Variants in SLC38A9 observed in about 807,000 individuals in gnomAD.
SLC38A9 encodes the protein solute carrier family 38 member 9, also known as neutral amino acid transporter 9.
A neutral mutation model predicts 62.3 loss-of-function variants in SLC38A9; 48 were observed. The ratio of observed to expected loss-of-function variants is 0.77; its 90% CI spans 0.61 to 0.98. SLC38A9 has a LOEUF of 0.98. SLC38A9 is among the 50% of genes least tolerant of loss of function. The probability of loss-of-function intolerance (pLI) is 0.00; values close to 1 mark genes in which losing one functional copy is unlikely to be tolerated. For missense variants in SLC38A9, 541 were observed against 679.8 expected, an observed-to-expected ratio of 0.80 and a Z score of 2.27; for synonymous variants, 204 against 227.7, an observed-to-expected ratio of 0.90 and a Z score of 0.94.
At chr5:55,650,632 G>A (rs183424042) in intron 10 of SLC38A9, among the ~76,000 whole-genome samples, 30 of 152,322 alleles carry the variant, frequency 2.0e-4, no homozygotes, top group Admixed American at 1.4e-3. Flanking sequence ...GGACGCCAGA[G>A]CTTATATAAC....
At chr5:55,706,197 G>A (rs1382157087) in intron 2 of SLC38A9, among the ~76,000 whole-genome samples, 1 of 152,108 alleles carries the variant, frequency 6.6e-6, no homozygotes, top group Non-Finnish European at 1.5e-5. Flanking sequence ...CCCTTCCAGT[G>A]GCAGTGAAAC....
intron 3 of SLC38A9, among the ~76,000 whole-genome samples, chr5:55,674,937 T>C (rs1285516360): frequency 6.6e-6 from 1 of 152,188 alleles, no homozygotes; most frequent in African/African-American, 2.4e-5. Context: ...TAATTATACC[T>C]GGGGTCACAC....
rs1293425238 is a variant in SLC38A9 at position 55,635,555 on chromosome 5, A to G, written c.1270T>C (p.Cys424Arg). ...SFPSPPLSKD[C>R]IEQNFLDNFP... is the part of the protein sequence containing the mutation. ...ACACGGTGCCTTACCTGCTCAATAC[A>G]ATCTTTGGATAATGGTGGTGAAGGA... Residue 424 changes from cysteine (C) to arginine (R), a missense_variant, in exon 13 of 16, where the codon TGT becomes CGT. Physicochemically the swap from Cys to Arg is radical, Grantham distance 180. Coordinates refer to ENST00000396865, the MANE Select transcript of SLC38A9 (RefSeq NM_173514.4). The G allele has an allele frequency of 6.2e-7, 1 of 1,611,942 alleles. No individual in the cohort carries two copies. Among genetic ancestry groups the G allele is most frequent in the South Asian group, 1.1e-5 (1 of 91,032 alleles).
intron 3 of SLC38A9, among the ~76,000 whole-genome samples, chr5:55,681,664 C>T (rs1410286265): frequency 1.3e-5 from 2 of 152,122 alleles, no homozygotes; most frequent in African/African-American, 4.8e-5. Flanking sequence ...GGTGAACGAG[C>T]CTGACCTTTT....
chr5:55,684,452 T>G lies in SLC38A9; in HGVS notation c.114-11757A>C, dbSNP rs191559769. 4.5e-4 allele frequency among the ~76,000 whole-genome samples: 69 copies of G among 152,326 alleles called. No homozygotes were observed. In the East Asian group the frequency reaches 7.5e-3, roughly 17 times the overall value. ...ATCACCTTAATCCAGTTTGGGGGAT[T>G]GAGATGAGTTAAAGTTGGGCTTCAG... On this transcript the variant is annotated intron_variant, in intron 3 of 15. Transcript: ENST00000396865.
intron 14 of SLC38A9, among the ~76,000 whole-genome samples, chr5:55,629,463 C>G (rs4865963): frequency 0.55 from 83,056 of 152,026 alleles, 24,069 homozygotes; most frequent in South Asian, 0.66. Context: ...TTTGCTAAAT[C>G]TCATGTTTGA....
chr5:55,638,607 T>C (rs1181204972), intron 12 of SLC38A9, among the ~76,000 whole-genome samples: 2 of 152,174 alleles, frequency 1.3e-5, no homozygotes, highest in Non-Finnish European at 2.9e-5. Flanking sequence ...TCAGACATGG[T>C]TTATTATTTG....
chr5:55,650,887 G>C (rs1468021218), intron 10 of SLC38A9, among the ~76,000 whole-genome samples: 1 of 152,168 alleles, frequency 6.6e-6, no homozygotes, highest in African/African-American at 2.4e-5. Context: ...CGCCTCCTGG[G>C]TTTAAGCAGT....
chr5:55,658,633 C>A (rs982907082), intron 8 of SLC38A9, among the ~76,000 whole-genome samples: 1 of 152,146 alleles, frequency 6.6e-6, no homozygotes, highest in African/African-American at 2.4e-5. Context: ...TAGGAGGGAC[C>A]AGGGCCCTGT....
At chr5:55,653,148 G>T (rs529500650) in intron 9 of SLC38A9, among the ~76,000 whole-genome samples, 2 of 152,164 alleles carry the variant, frequency 1.3e-5, no homozygotes, top group South Asian at 4.1e-4. Flanking sequence ...TGTATTTTTA[G>T]TAGAGAGGGC....
At chr5:55,666,216 A>G (rs1413314170) in intron 7 of SLC38A9, among the ~76,000 whole-genome samples, 2 of 152,220 alleles carry the variant, frequency 1.3e-5, no homozygotes, top group African/African-American at 4.8e-5. Flanking sequence ...CCTATCATTT[A>G]GGATAGAAAT....
intron 15 of SLC38A9, 143 bp downstream of exon 15, chr5:55,627,748 C>A: frequency 1.9e-6 from 1 of 540,300 alleles, no homozygotes; most frequent in Non-Finnish European, 3.3e-6. Flanking sequence ...TTAACTGATA[C>A]CAAGGGGCTG....
chr5:55,679,933 T>C (rs1356632769), intron 3 of SLC38A9, among the ~76,000 whole-genome samples: 2 of 152,214 alleles, frequency 1.3e-5, no homozygotes, highest in African/African-American at 4.8e-5. Context: ...GTGCAATAAG[T>C]TAAGAGTATT....
At chr5:55,665,855 C>T (rs1750372655) in intron 7 of SLC38A9, among the ~76,000 whole-genome samples, 1 of 152,010 alleles carries the variant, frequency 6.6e-6, no homozygotes, top group Admixed American at 6.6e-5. Context: ...ACCAGCTACT[C>T]AGGAGGCTGA....
chr5:55,635,430 A>T, intron 13 of SLC38A9, 114 bp downstream of exon 13: 1 of 757,496 alleles, frequency 1.3e-6, no homozygotes, highest in Non-Finnish European at 2.4e-6. Flanking sequence ...GATAGCAGAG[A>T]TGGTATTAAA....
intron 7 of SLC38A9, among the ~76,000 whole-genome samples, chr5:55,667,569 A>AT (rs11396855): frequency 1 from 152,288 of 152,288 alleles, 76,144 homozygotes; most frequent in Non-Finnish European, 1. Context: ...GGCACAGGAT[A>AT]TGTTTTGATA....
chr5:55,659,595 C>T (rs1264945114), intron 8 of SLC38A9, among the ~76,000 whole-genome samples: 2 of 151,722 alleles, frequency 1.3e-5, no homozygotes, highest in Non-Finnish European at 2.9e-5. Context: ...ACTATGTTGG[C>T]CAGGCTGATC....
At chr5:55,653,318 A>G (rs966498574) in intron 9 of SLC38A9, among the ~76,000 whole-genome samples, 3 of 152,100 alleles carry the variant, frequency 2.0e-5, no homozygotes, top group African/African-American at 7.2e-5. Flanking sequence ...ATCCCACCAA[A>G]TATCCCTTGG....
intron 2 of SLC38A9, among the ~76,000 whole-genome samples, chr5:55,698,304 G>C (rs1201846374): frequency 6.6e-6 from 1 of 152,052 alleles, no homozygotes; most frequent in Non-Finnish European, 1.5e-5. Context: ...TCTTTGAAAA[G>C]CATCAAAAAC....
Sources: allele counts gnomAD v4.1 joint callset (sites outside exome capture counted in the v4.1 genomes callset), GRCh38; gene constraint gnomAD v4.1.1; transcripts MANE v1.5; gene names NCBI Gene and HGNC (gene_info 2026-07-23, HGNC 2026-07-21).